OBI1: variants seen among roughly 807,000 people sequenced by gnomAD.
OBI1 encodes ORC ubiquitin ligase 1, also known as ring finger protein 219.
OBI1 carries 59 observed loss-of-function variants against 62.4 expected under a neutral mutation model. The ratio of observed to expected loss-of-function variants is 0.95; its 90% confidence interval spans 0.77 to 1.17. The LOEUF (loss-of-function observed/expected upper bound fraction) is 1.17. Among genes scored for constraint, OBI1 ranks in the 50% most tolerant of loss-of-function variants. The probability of loss-of-function intolerance (pLI) is 0.00; values close to 1 mark genes in which losing one functional copy is unlikely to be tolerated. For missense variants in OBI1, 875 were observed against 830.9 expected (o/e 1.05, Z -0.65); for synonymous variants, 302 against 292.8 (o/e 1.03, Z -0.32).
chr13:78,615,662 TTCC>T lies in OBI1; in HGVS notation c.2096_2098del (p.Arg699del). The T allele has an allele frequency of 6.2e-7, 1 of 1,614,112 alleles. No individual in the cohort carries two copies. The highest frequency in any genetic ancestry group is 8.5e-7 in the Non-Finnish European group (1 of 1,179,992). ...TTTTGTTGATTGATTCACATTTTTATTCCTCTTTTCAGGCACAAAGGAAGTAGA... is the reference window on the plus strand; with the variant it reads ...TTTTGTTGATTGATTCACATTTTTATTCTTTTCAGGCACAAAGGAAGTAGA... On this transcript the variant is annotated inframe_deletion, in exon 6 of 6. Coordinates refer to ENST00000282003, the MANE Select transcript of OBI1 (RefSeq NM_024546.4).
chr13:78,658,925 G>T, intron 1 of OBI1, 124 bp downstream of exon 1: 2 of 759,270 alleles, frequency 2.6e-6, no homozygotes, highest in East Asian at 2.9e-5. Flanking sequence ...AAGAACGCGG[G>T]TTAGCGTTTT....
chr13:78,658,587 T>C (rs1308031649), intron 1 of OBI1, among the ~76,000 whole-genome samples: 1 of 152,128 alleles, frequency 6.6e-6, no homozygotes, highest in Non-Finnish European at 1.5e-5. Flanking sequence ...AAAGACTCAA[T>C]ACACAGCACC....
At chr13:78,638,766 T>C (rs1593794968) in intron 4 of OBI1, 57 bp downstream of exon 4, 1 of 1,477,692 alleles carries the variant, frequency 6.8e-7, no homozygotes, top group Non-Finnish European at 9.2e-7. Context: ...TATTTATGCT[T>C]TTGAAGGTAC....
chr13:78,620,638 C>T (rs1305862075), intron 5 of OBI1: 1 of 456,602 alleles, frequency 2.2e-6, no homozygotes, highest in Admixed American at 2.3e-5. Context: ...GATGCCAGTT[C>T]CCCTTGTCCA....
At chr13:78,623,606 T>C (rs1182778699) in intron 5 of OBI1, among the ~76,000 whole-genome samples, 1 of 152,230 alleles carries the variant, frequency 6.6e-6, no homozygotes, top group Non-Finnish European at 1.5e-5. Context: ...TGAAATCGTA[T>C]TAAATACTTG....
chr13:78,626,621 C>G (rs1875674393), intron 5 of OBI1, among the ~76,000 whole-genome samples: 1 of 152,088 alleles, frequency 6.6e-6, no homozygotes, highest in South Asian at 2.1e-4. Flanking sequence ...ACAAGAGAAG[C>G]TAATGTGGAG....
intron 5 of OBI1, 71 bp downstream of exon 5, chr13:78,635,039 A>G: frequency 2.3e-6 from 2 of 886,992 alleles, no homozygotes; most frequent in Non-Finnish European, 3.5e-6. Context: ...AACAAAAAAC[A>G]AACCCTCACA....
intron 5 of OBI1, among the ~76,000 whole-genome samples, chr13:78,634,067 C>CAAAAACAAAAAACA (rs1228196802): frequency 9.3e-6 from 1 of 107,118 alleles, no homozygotes; most frequent in Non-Finnish European, 1.9e-5. Flanking sequence ...GACTCCGTCT[C>CAAAAACAAAAAACA]AAAAACAAAA....
intron 5 of OBI1, among the ~76,000 whole-genome samples, chr13:78,627,777 T>C (rs1053240592): frequency 2.0e-5 from 3 of 152,254 alleles, no homozygotes; most frequent in African/African-American, 7.2e-5. Context: ...TATTATTTTG[T>C]CTTCCCATTC....
intron 5 of OBI1, among the ~76,000 whole-genome samples, chr13:78,628,792 T>C (rs1392714148): frequency 6.6e-6 from 1 of 150,552 alleles, no homozygotes. Context: ...GGAAGTCTGA[T>C]TCCAGAGTTA....
rs760239074 is a variant in OBI1 at position 78,615,953 on chromosome 13, T to A, written c.1808A>T (p.Asn603Ile). 1.2e-6 allele frequency: 2 copies of A among 1,613,824 alleles called. No homozygotes were observed. Among genetic ancestry groups the A allele is most frequent in the Non-Finnish European group, 1.7e-6 (2 of 1,179,954 alleles). ...AGAAGTGGGTTTCCATTCACTTCCA[T>A]TTTCTAACTGATCATTAGTTAGAGA... is the stretch of plus-strand genomic sequence containing the variant. The part of the protein sequence containing the change: ...KGSLTNDQLE[N>I]GSEWKPTSFF... Residue 603 changes from asparagine to isoleucine, a missense_variant, in exon 6 of 6, where the codon AAT becomes ATT. By Grantham distance (149) the Asn-to-Ile change is moderately radical. Coordinates refer to ENST00000282003, the MANE Select transcript of OBI1 (RefSeq NM_024546.4).
At chr13:78,646,821 G>A (rs1041733744) in intron 1 of OBI1, among the ~76,000 whole-genome samples, 1 of 151,978 alleles carries the variant, frequency 6.6e-6, no homozygotes, top group Non-Finnish European at 1.5e-5. Flanking sequence ...AAGAAAGAGA[G>A]ATCAGACTGT....
rs149226560 is a variant in OBI1, at chr13:78,659,095, G to A, written c.26C>T (p.Thr9Ile). MAQTVQNVTLSLTLPITCH... is the reference protein window; with the variant it reads MAQTVQNVILSLTLPITCH... ...CGTGATGGGCAGAGTGAGCGACAAT[G>A]TAACATTCTGCACGGTCTGAGCCAT... Residue 9 changes from threonine to isoleucine, a missense_variant, in exon 1 of 6, where the codon ACA (threonine) becomes ATA (isoleucine). Transcript: ENST00000282003. 249 of 1,612,488 alleles carry A rather than the reference G, an allele frequency of 1.5e-4. No individual in the cohort carries two copies. Among genetic ancestry groups the A allele is most frequent in the Non-Finnish European group, 2.0e-4 (241 of 1,179,638 alleles).
At chr13:78,654,579 G>A (rs1050566179) in intron 1 of OBI1, among the ~76,000 whole-genome samples, 2 of 152,114 alleles carry the variant, frequency 1.3e-5, no homozygotes, top group African/African-American at 4.8e-5. Context: ...ATAAGGCTTT[G>A]TCTCTAGCCC....
At chr13:78,644,835 C>T (rs1876333226) in intron 2 of OBI1, 27 bp downstream of exon 2, 2 of 1,605,730 alleles carry the variant, frequency 1.2e-6, no homozygotes, top group East Asian at 4.5e-5. Flanking sequence ...AAACCTATTC[C>T]TATGCATATA....
In OBI1 at chr13:78,635,110, T is replaced by C; in HGVS notation, c.638A>G (p.Lys213Arg). ...KAEVDNRSPQ[K>R]FGRFAVAALQ... ...ATTGCTCTGGGAGCAAAATACATACTTTTGAGGTGATCTGTTATCAACTTC... is the reference window on the plus strand; with the variant it reads ...ATTGCTCTGGGAGCAAAATACATACCTTTGAGGTGATCTGTTATCAACTTC... The change falls in exon 5 of 6, where the codon AAG (lysine) becomes AGG (arginine). Residue 213 changes from lysine (K) to arginine (R), a missense_variant and splice_region_variant. Coordinates refer to ENST00000282003, the MANE Select transcript of OBI1 (RefSeq NM_024546.4). 6.3e-7 allele frequency: 1 copy of C among 1,589,538 alleles called. No individual in the cohort carries two copies.
intron 1 of OBI1, among the ~76,000 whole-genome samples, chr13:78,654,041 A>AAC (rs1876624097): frequency 6.6e-6 from 1 of 151,306 alleles, no homozygotes; most frequent in African/African-American, 2.4e-5. Flanking sequence ...AAAAAAAAAA[A>AAC]AAAAAACCTG....
At chr13:78,638,701 A>C in intron 4 of OBI1, 122 bp downstream of exon 4, 7 of 881,072 alleles carry the variant, frequency 7.9e-6, no homozygotes, top group Non-Finnish European at 1.2e-5. Context: ...ATGCTCATCC[A>C]GAGATTCTGT....
intron 5 of OBI1, among the ~76,000 whole-genome samples, chr13:78,623,767 C>T (rs1380684237): frequency 1.3e-5 from 2 of 152,094 alleles, no homozygotes; most frequent in African/African-American, 4.8e-5. Context: ...AATAGAAACA[C>T]AGAGGAAATA....
Sources: gnomAD v4.1 joint callset for allele counts (sites outside exome capture counted in the v4.1 genomes callset) on GRCh38, gnomAD v4.1.1 for gene constraint, MANE v1.5 for transcripts, NCBI Gene and HGNC (gene_info 2026-07-23, HGNC 2026-07-21) for gene names.